DOCK4: variants seen among roughly 807,000 people sequenced by gnomAD.
DOCK4 encodes dedicator of cytokinesis protein 4.
In DOCK4, 97 loss-of-function variants were observed where a neutral mutation model predicts 268.1. The observed-to-expected ratio is 0.36, with a 90% CI of 0.31 to 0.43. The LOEUF is 0.43. Ranked by LOEUF, DOCK4 falls within the 20% of genes least tolerant of loss-of-function variation. The pLI, the probability that DOCK4 is intolerant of heterozygous loss-of-function variation, is 1.00. For missense variants in DOCK4, 2,145 were observed against 2,455.7 expected (o/e 0.87, Z 2.67); for synonymous variants, 954 against 887.2 (o/e 1.08, Z -1.34).
rs1439282249 is a variant in DOCK4 at position 111,944,835 on chromosome 7, T to C, written c.820A>G (p.Ile274Val). 3 of 1,613,860 alleles carry C rather than the reference T, an allele frequency of 1.9e-6. No homozygotes were observed. Among genetic ancestry groups the C allele is most frequent in the African/African-American group, 1.3e-5 (1 of 74,946 alleles). The change falls in exon 10 of 53, where the codon ATC becomes GTC. Residue 274 changes from isoleucine to valine, a missense_variant. Physicochemically the swap from Ile to Val is conservative, Grantham distance 29. Around this residue, in one of 2 missense-constraint regions of DOCK4, gnomAD observed 1,598 missense variants for 1,986.7 expected, o/e 0.80. Coordinates refer to ENST00000428084, the MANE Select transcript of DOCK4 (RefSeq NM_001363540.2). The part of the protein sequence containing the change: ...GSSELRKDIY[I>V]TVHIIRIGRM... ...CCGATTCGGATAATGTGCACGGTGATATAAATGTCCTTTCTTAGCTCACTG... is the reference window on the plus strand; with the variant it reads ...CCGATTCGGATAATGTGCACGGTGACATAAATGTCCTTTCTTAGCTCACTG...
chr7:112,043,293 G>A (rs952845642), intron 1 of DOCK4, among the ~76,000 whole-genome samples: 10 of 151,426 alleles, frequency 6.6e-5, no homozygotes, highest in Non-Finnish European at 1.2e-4. Flanking sequence ...ATTAACCAAT[G>A]TTACTCATAA....
intron 39 of DOCK4, among the ~76,000 whole-genome samples, chr7:111,764,382 A>G (rs1252542050): frequency 6.6e-6 from 1 of 152,228 alleles, no homozygotes; most frequent in East Asian, 1.9e-4. Context: ...ATTGAGAACT[A>G]AAGTTGTAAC....
intron 1 of DOCK4, among the ~76,000 whole-genome samples, chr7:112,030,523 T>C (rs1280182540): frequency 6.6e-6 from 1 of 152,228 alleles, no homozygotes; most frequent in Non-Finnish European, 1.5e-5. Context: ...TCTTTTCTAA[T>C]AATTATATTT....
intron 1 of DOCK4, among the ~76,000 whole-genome samples, chr7:112,182,394 T>C (rs1819134318): frequency 6.6e-6 from 1 of 152,198 alleles, no homozygotes; most frequent in Non-Finnish European, 1.5e-5. Flanking sequence ...AGAACATAAA[T>C]GATGTGATCA....
intron 1 of DOCK4, among the ~76,000 whole-genome samples, chr7:112,067,829 A>T (rs1405257976): frequency 1.3e-5 from 2 of 152,350 alleles, no homozygotes; most frequent in Middle Eastern, 3.4e-3. Context: ...CTGCCATGGA[A>T]AACTACAGCA....
At chr7:111,958,128 A>G (rs1339059891) in intron 8 of DOCK4, among the ~76,000 whole-genome samples, 1 of 152,192 alleles carries the variant, frequency 6.6e-6, no homozygotes, top group African/African-American at 2.4e-5. Context: ...AGATAATAAT[A>G]GCATGATCTC....
At chr7:112,082,755 A>G (rs1808717606) in intron 1 of DOCK4, among the ~76,000 whole-genome samples, 1 of 152,148 alleles carries the variant, frequency 6.6e-6, no homozygotes, top group Admixed American at 6.6e-5. Flanking sequence ...AGAAATACTA[A>G]TCACCACAGT....
chr7:111,988,959 T>C, intron 6 of DOCK4, 56 bp downstream of exon 6: 1 of 1,557,234 alleles, frequency 6.4e-7, no homozygotes, highest in Non-Finnish European at 8.7e-7. Flanking sequence ...CTCAGGCCTA[T>C]GTCACTTCCA....
At chr7:112,188,643 T>G (rs909052978) in intron 1 of DOCK4, among the ~76,000 whole-genome samples, 1 of 152,230 alleles carries the variant, frequency 6.6e-6, no homozygotes, top group African/African-American at 2.4e-5. Flanking sequence ...AAGATTTCCC[T>G]ACCACCACTT....
chr7:112,003,658 T>C (rs370300241), intron 2 of DOCK4, among the ~76,000 whole-genome samples: 6 of 152,282 alleles, frequency 3.9e-5, no homozygotes, highest in African/African-American at 1.2e-4. Context: ...GCAGGAGCCC[T>C]CCAGAGGCAT....
intron 27 of DOCK4, 122 bp downstream of exon 27, chr7:111,822,239 TA>T: frequency 1.4e-6 from 1 of 709,928 alleles, no homozygotes; most frequent in Non-Finnish European, 2.3e-6. Flanking sequence ...AACATTTTTT[TA>T]AAGGCTTAAT....
chr7:112,058,538 T>C (rs1416759832), intron 1 of DOCK4, among the ~76,000 whole-genome samples: 1 of 152,164 alleles, frequency 6.6e-6, no homozygotes, highest in East Asian at 1.9e-4. Flanking sequence ...ACTAAATTTG[T>C]CACCTGCTCC....
chr7:111,840,767 T>G, intron 25 of DOCK4: 1 of 1,294,854 alleles, frequency 7.7e-7, no homozygotes, highest in Non-Finnish European at 1.0e-6. Context: ...ACTCACAGTG[T>G]GTCTACTTGT....
Position 111,732,419 on chromosome 7 carries a change from G to A in DOCK4, c.5420-132C>T, listed in dbSNP as rs542447575. On this transcript the variant is annotated intron_variant, in intron 51 of 52. Transcript: ENST00000428084. The stretch of plus-strand genomic sequence containing the variant: ...GGACCTTCTAAGCAAAGGGGGTGGT[G>A]AGGATGGGGGAGAAGCTAAATGATG... 7 of 821,790 alleles carry A rather than the reference G, an allele frequency of 8.5e-6. No homozygotes were observed. In the African/African-American group the frequency reaches 1.0e-4, roughly 12 times the overall value. The allele number at this position is 821,790 out of a possible 1,614,324, so 50.9% of individuals were successfully genotyped here.
intron 8 of DOCK4, among the ~76,000 whole-genome samples, chr7:111,962,948 G>A (rs1054415050): frequency 1.3e-5 from 2 of 152,048 alleles, no homozygotes; most frequent in African/African-American, 2.4e-5. Flanking sequence ...AAAGGCCCAC[G>A]CCAGCAGCTC....
In DOCK4 at chr7:111,728,223, C is replaced by T; in HGVS notation, c.*51G>A. 4 of 1,371,014 alleles carry T rather than the reference C, an allele frequency of 2.9e-6. No homozygotes were observed. Among genetic ancestry groups the T allele is most frequent in the East Asian group, 2.5e-5 (1 of 39,874 alleles). The allele number at this position is 1,371,014 out of a possible 1,614,324, so 84.9% of individuals were successfully genotyped here. A position where few individuals can be genotyped will look rare whatever the true frequency, so the allele number is the denominator to read the frequency against. On this transcript the variant is annotated 3_prime_UTR_variant, in exon 53 of 53. Coordinates refer to ENST00000428084, the MANE Select transcript of DOCK4 (RefSeq NM_001363540.2). Reference sequence around the variant, plus strand: ...CACTAAATGTCTTCTCATCATACTTCTTATTTTGTAAACGGGCAAAGAATG... The same window carrying T: ...CACTAAATGTCTTCTCATCATACTTTTTATTTTGTAAACGGGCAAAGAATG...
chr7:112,107,367 C>G (rs1353528518), intron 1 of DOCK4, among the ~76,000 whole-genome samples: 1 of 152,152 alleles, frequency 6.6e-6, no homozygotes, highest in Admixed American at 6.5e-5. Flanking sequence ...GACTGGTGTC[C>G]TTCTAAGAAG....
intron 1 of DOCK4, among the ~76,000 whole-genome samples, chr7:112,098,777 G>GA (rs1227129215): frequency 3.3e-5 from 5 of 149,952 alleles, no homozygotes; most frequent in African/African-American, 7.3e-5. Context: ...AGGCTCATGA[G>GA]CATAATTTAT....
chr7:111,811,385 T>C (rs992082926), intron 28 of DOCK4, among the ~76,000 whole-genome samples: 5 of 152,124 alleles, frequency 3.3e-5, no homozygotes, highest in Admixed American at 2.0e-4. Context: ...ATTTGAAAAA[T>C]AGTATATCAA....
Sources: gnomAD v4.1 joint callset for allele counts (sites outside exome capture counted in the v4.1 genomes callset) on GRCh38, gnomAD v4.1.1 for gene constraint, gnomAD v4.1.1 regional missense constraint, MANE v1.5 for transcripts, NCBI Gene and HGNC (gene_info 2026-07-23, HGNC 2026-07-21) for gene names.